Variants in TASOR2 observed in about 807,000 individuals in gnomAD.
TASOR2 encodes the protein protein TASOR 2.
Under a neutral mutation model 199.5 loss-of-function variants are expected in TASOR2, and 84 were observed. The observed-to-expected ratio is 0.42, with a 90% CI of 0.35 to 0.50. TASOR2 has a LOEUF of 0.50. TASOR2 is among the 20% of genes least tolerant of loss of function. TASOR2 has a pLI of 0.02. For missense variants in TASOR2, 2,796 were observed against 2,835.9 expected (o/e 0.99, Z 0.32); for synonymous variants, 1,103 against 1,046.6 (o/e 1.05, Z -1.04).
exon 11 of TASOR2, chr10:5,731,047 A>G: frequency 1.2e-6 from 2 of 1,614,146 alleles, no homozygotes; most frequent in Non-Finnish European, 1.7e-6. Flanking sequence ...AGTGCAGCCT[A>G]AGAGGAAGGC....
At chr10:5,705,144 C>G (rs562460204) in intron 1 of TASOR2, among the ~76,000 whole-genome samples, 1 of 152,182 alleles carries the variant, frequency 6.6e-6, no homozygotes, top group East Asian at 1.9e-4. Context: ...GTGCATACCC[C>G]ACTTGTAGTC....
rs58581646 is a variant in TASOR2, at chr10:5,719,191, AT to A, written c.-99-1351del. Among the ~76,000 whole-genome samples the A allele has an allele frequency of 0.095, 14,464 of 152,202 alleles. 1,672 individuals are homozygous for A. Among genetic ancestry groups the A allele is most frequent in the East Asian group, 0.44 (2,255 of 5,170 alleles). Reference sequence around the variant, plus strand: ...AAGTAACTATATTCTTCTTATAAAAATTAAAATTGCCTATAGTCCCATATCC... The same window carrying A: ...AAGTAACTATATTCTTCTTATAAAAATAAAATTGCCTATAGTCCCATATCC... On this transcript the variant is annotated intron_variant, in intron 3 of 20. Transcript: ENST00000328090. The surrounding 1 kb of genome is among the most constrained non-coding windows in gnomAD (Gnocchi z 4.1).
intron 12 of TASOR2, among the ~76,000 whole-genome samples, chr10:5,739,068 A>G (rs979459748): frequency 1.3e-5 from 2 of 152,224 alleles, no homozygotes; most frequent in Non-Finnish European, 2.9e-5. Flanking sequence ...ACATCATGTA[A>G]TTAAAGATCA....
chr10:5,723,040 T>TA, intron 6 of TASOR2, among the ~76,000 whole-genome samples: 2 of 111,554 alleles, frequency 1.8e-5, no homozygotes, highest in Non-Finnish European at 1.8e-5. Flanking sequence ...AGTCAGGAAA[T>TA]AACTTTTTTT....
Position 5,761,495 on chromosome 10 carries a change from CA to C in TASOR2, c.7174+25del, listed in dbSNP as rs749328833. 7 of 1,600,072 alleles carry C rather than the reference CA, an allele frequency of 4.4e-6. No homozygotes were observed. The South Asian group carries it at 7.7e-5, about 18-fold the overall frequency. On this transcript the variant is annotated intron_variant, in intron 19 of 20. Transcript: ENST00000328090. ...AGGTAATTCACAGGCGCATTTTACT[CA>C]GTTAATGCCAAAATTGGTCAGCTCT...
intron 8 of TASOR2, 45 bp from the exon 10 acceptor site, chr10:5,726,840 G>T (rs1295830336): frequency 1.3e-6 from 2 of 1,524,610 alleles, no homozygotes; most frequent in South Asian, 1.1e-5. Flanking sequence ...AGAAGAGAGG[G>T]ATTGCAGAAT....
At chr10:5,716,464 T>A (rs1832656363) in intron 2 of TASOR2, among the ~76,000 whole-genome samples, 1 of 152,120 alleles carries the variant, frequency 6.6e-6, no homozygotes, top group East Asian at 1.9e-4. Context: ...CTAAGGGACG[T>A]TAAAAGTGAT....
rs777315871 is a variant in TASOR2, at chr10:5,742,365, G to T, written c.2596G>T (p.Val866Leu). ...AATTTCCAGGGCTCATGCTGCTGAA[G>T]TATCCTTCCGTGATCCTAACTGCTT... is the stretch of plus-strand genomic sequence containing the variant. The change falls in exon 14 of 21, where the codon GTA becomes TTA. Residue 866 changes from valine to leucine, a missense_variant. By Grantham distance (32) the Val-to-Leu change is conservative. Coordinates refer to ENST00000328090, the Ensembl canonical transcript of TASOR2. This position sits in a 1 kb window ranked among gnomAD's most constrained non-coding sequence, Gnocchi z 4.2. 2 of 1,614,148 alleles carry T rather than the reference G, an allele frequency of 1.2e-6. No homozygotes were observed. The highest frequency in any genetic ancestry group is 3.3e-5 in the Admixed American group (2 of 60,010).
At chr10:5,753,366 G>A (rs903367381) in intron 15 of TASOR2, among the ~76,000 whole-genome samples, 1 of 152,088 alleles carries the variant, frequency 6.6e-6, no homozygotes, top group Non-Finnish European at 1.5e-5. Flanking sequence ...TTGTTTGTTT[G>A]TTTGTTTGTT....
rs1378295488 is a variant in TASOR2 at position 5,730,588 on chromosome 10, G to C, written c.589G>C (p.Glu197Gln). Residue 197 changes from glutamate to glutamine, a missense_variant, in exon 11 of 21, where the codon GAA becomes CAA. Physicochemically the swap from Glu to Gln is conservative, Grantham distance 29. Coordinates refer to ENST00000328090, the Ensembl canonical transcript of TASOR2. This position sits in a 1 kb window ranked among gnomAD's most constrained non-coding sequence, Gnocchi z 4.1. ...GCTAGAAACAAAGAAATCACTTCCT[G>C]AAGAAAGAATCCATCCAAACACATT... The C allele has an allele frequency of 6.2e-7, 1 of 1,614,012 alleles. No individual in the cohort carries two copies. Among genetic ancestry groups the C allele is most frequent in the Non-Finnish European group, 8.5e-7 (1 of 1,180,028 alleles).
chr10:5,688,338 C>G (rs1393382959), intron 1 of TASOR2, among the ~76,000 whole-genome samples: 1 of 151,802 alleles, frequency 6.6e-6, no homozygotes, highest in Non-Finnish European at 1.5e-5. Flanking sequence ...AATCCTGCCT[C>G]AGCCTCCTGA....
chr10:5,709,035 C>T (rs1831579531), intron 1 of TASOR2, among the ~76,000 whole-genome samples: 1 of 152,048 alleles, frequency 6.6e-6, no homozygotes, highest in Non-Finnish European at 1.5e-5. Context: ...AGCCTGTTTC[C>T]CTGTAATAGA....
intron 15 of TASOR2, among the ~76,000 whole-genome samples, chr10:5,755,481 G>A (rs551972187): frequency 3.9e-5 from 6 of 152,134 alleles, no homozygotes; most frequent in African/African-American, 1.4e-4. Context: ...GGCTCAGGGA[G>A]GTGAATCACT....
rs1564361809 is a variant in TASOR2, at chr10:5,751,603, G to A, written c.6606+1576G>A. 6.6e-6 allele frequency among the ~76,000 whole-genome samples: 1 copy of A among 152,094 alleles called. No homozygotes were observed. The highest frequency in any genetic ancestry group is 1.5e-5 in the Non-Finnish European group (1 of 68,032). ...AATTCTTCGGGCACTTCTTTACTTT[G>A]GGGTGTAACATAATGTTCCAGGCTT... On this transcript the variant is annotated intron_variant, in intron 15 of 20. Transcript: ENST00000328090. The surrounding 1 kb of genome is among the most constrained non-coding windows in gnomAD (Gnocchi z 5.3).
chr10:5,724,393 T>C (rs773059022), intron 7 of TASOR2, 37 bp from the exon 9 acceptor site: 8 of 1,109,100 alleles, frequency 7.2e-6, no homozygotes, highest in Admixed American at 4.9e-5. Flanking sequence ...TAATAGCGTA[T>C]TAAAAATAAG....
chr10:5,750,387 C>G lies in TASOR2; in HGVS notation c.6606+360C>G, dbSNP rs995352438. 2.0e-5 allele frequency among the ~76,000 whole-genome samples: 3 copies of G among 152,086 alleles called. No homozygotes were observed. The highest frequency in any genetic ancestry group is 2.9e-5 in the Non-Finnish European group (2 of 68,024). ...GTTAGTGTGGGTGGTCAAGTAGGACCTCTTTTGGTTTTGGATATATTTTTA... is the reference window on the plus strand; with the variant it reads ...GTTAGTGTGGGTGGTCAAGTAGGACGTCTTTTGGTTTTGGATATATTTTTA... On this transcript the variant is annotated intron_variant, in intron 15 of 20. Coordinates refer to ENST00000328090, the Ensembl canonical transcript of TASOR2. This position sits in a 1 kb window ranked among gnomAD's most constrained non-coding sequence, Gnocchi z 5.4.
At chr10:5,749,939 T>G (rs1181989533) in exon 15 of TASOR2, 1 of 1,614,176 alleles carries the variant, frequency 6.2e-7, no homozygotes, top group Non-Finnish European at 8.5e-7. Context: ...CACGTCAAAC[T>G]AAGAAGTGTT....
At chr10:5,703,648 C>G (rs1053560589) in intron 1 of TASOR2, among the ~76,000 whole-genome samples, 3 of 151,338 alleles carry the variant, frequency 2.0e-5, no homozygotes, top group African/African-American at 7.3e-5. Flanking sequence ...GGACTACAGG[C>G]GCCCGCCACC....
chr10:5,728,338 T>TA (rs1834326794), intron 10 of TASOR2, among the ~76,000 whole-genome samples: 2 of 152,072 alleles, frequency 1.3e-5, no homozygotes, highest in Non-Finnish European at 2.9e-5. Context: ...TAAAGTTTTT[T>TA]TAAAAAATTC....
Sources: allele counts gnomAD v4.1 joint callset (sites outside exome capture counted in the v4.1 genomes callset), GRCh38; gene constraint gnomAD v4.1.1; non-coding constraint Gnocchi (gnomAD v3.1); transcripts MANE v1.5; gene names NCBI Gene and HGNC (gene_info 2026-07-23, HGNC 2026-07-21).